MYO1D: variants seen among roughly 807,000 people sequenced by gnomAD.
MYO1D encodes the protein unconventional myosin-Id.
A neutral mutation model predicts 122.0 loss-of-function variants in MYO1D; 83 were observed. The ratio of observed to expected loss-of-function variants is 0.68; its 90% confidence interval spans 0.57 to 0.82. MYO1D has a LOEUF of 0.82. MYO1D is among the 40% of genes least tolerant of loss of function. The pLI is 0.00. For synonymous variants in MYO1D, 464 were observed against 446.9 expected (o/e 1.04, Z -0.48); for missense variants, 1,157 against 1,269.5 (o/e 0.91, Z 1.35).
At chr17:32,816,245 T>C (rs1259223890) in intron 1 of MYO1D, among the ~76,000 whole-genome samples, 1 of 152,172 alleles carries the variant, frequency 6.6e-6, no homozygotes, top group African/African-American at 2.4e-5. Flanking sequence ...AACAATCATA[T>C]TATTACAATC....
chr17:32,782,753 T>C (rs780181597), intron 1 of MYO1D, among the ~76,000 whole-genome samples: 11 of 151,912 alleles, frequency 7.2e-5, no homozygotes, highest in Non-Finnish European at 1.3e-4. Context: ...CTGGGCAACA[T>C]AGTGAAACTC....
chr17:32,771,456 T>A (rs2090112142), intron 5 of MYO1D, among the ~76,000 whole-genome samples: 1 of 152,224 alleles, frequency 6.6e-6, no homozygotes, highest in Admixed American at 6.5e-5. Context: ...AAATGTCTCA[T>A]CTCATTTACA....
intron 1 of MYO1D, among the ~76,000 whole-genome samples, chr17:32,799,345 T>C (rs1367349980): frequency 6.6e-6 from 1 of 152,218 alleles, no homozygotes; most frequent in Non-Finnish European, 1.5e-5. Context: ...AGACAAATAG[T>C]ATATTTTTTA....
intron 20 of MYO1D, among the ~76,000 whole-genome samples, chr17:32,610,219 C>T (rs1324876658): frequency 3.3e-5 from 5 of 152,114 alleles, no homozygotes; most frequent in Admixed American, 1.3e-4. Context: ...TGACTCTGCT[C>T]TCGGCCACAA....
At chr17:32,573,283 T>C (rs1049358753) in intron 21 of MYO1D, among the ~76,000 whole-genome samples, 1 of 152,218 alleles carries the variant, frequency 6.6e-6, no homozygotes, top group South Asian at 2.1e-4. Flanking sequence ...TGGTCTAGAA[T>C]TGAATAAAAT....
At chr17:32,712,756 G>A (rs563643295) in intron 15 of MYO1D, among the ~76,000 whole-genome samples, 1 of 152,258 alleles carries the variant, frequency 6.6e-6, no homozygotes, top group East Asian at 1.9e-4. Flanking sequence ...TTCTACATAC[G>A]AGCAGTCAAC....
chr17:32,810,853 C>CT lies in MYO1D; in HGVS notation c.96-30070dup, dbSNP rs72116663. Among the ~76,000 whole-genome samples the CT allele has an allele frequency of 2.1e-3, 312 of 151,406 alleles. 1 individual carries two copies. Among genetic ancestry groups the CT allele is most frequent in the African/African-American group, 6.5e-3 (269 of 41,334 alleles). ...AAATCTATTCTGTTTGAGGAGTTGT[C>CT]TTTTTTTTTGGTAATTTAATATTTA... is the stretch of plus-strand genomic sequence containing the variant. On this transcript the variant is annotated intron_variant, in intron 1 of 21. Transcript: ENST00000318217.
At chr17:32,783,023 C>A (rs552751871) in intron 1 of MYO1D, among the ~76,000 whole-genome samples, 4 of 152,030 alleles carry the variant, frequency 2.6e-5, no homozygotes, top group Non-Finnish European at 4.4e-5. Flanking sequence ...TTCAAAGACT[C>A]GCGAAAATAA....
At chr17:32,523,022 A>C (rs531589083) in intron 21 of MYO1D, among the ~76,000 whole-genome samples, 3 of 152,106 alleles carry the variant, frequency 2.0e-5, no homozygotes, top group Non-Finnish European at 2.9e-5. Context: ...TCACCATGTT[A>C]GCCAGGATGG....
chr17:32,813,076 C>T (rs1046724704), intron 1 of MYO1D, among the ~76,000 whole-genome samples: 2 of 152,238 alleles, frequency 1.3e-5, no homozygotes, highest in African/African-American at 4.8e-5. Context: ...TATAAACGGT[C>T]TTCACTGATG....
chr17:32,578,722 A>T (rs1457323587), intron 21 of MYO1D, among the ~76,000 whole-genome samples: 1 of 152,238 alleles, frequency 6.6e-6, no homozygotes, highest in Non-Finnish European at 1.5e-5. Flanking sequence ...CTCTAGGGCT[A>T]GGTCTCCTTT....
At chr17:32,779,033 A>G (rs1245121643) in intron 2 of MYO1D, among the ~76,000 whole-genome samples, 3 of 152,206 alleles carry the variant, frequency 2.0e-5, no homozygotes, top group African/African-American at 7.2e-5. Flanking sequence ...GGTTAGAGTA[A>G]TTTTAGTGAA....
Position 32,780,242 on chromosome 17 carries a change from G to A in MYO1D, c.304+334C>T, listed in dbSNP as rs550712556. ...TTTCACACCTCAATATTTCATTTTC[G>A]TTGGTTTCATTTTGCTATTTAAAAT... On this transcript the variant is annotated intron_variant, in intron 2 of 21. Transcript: ENST00000318217. Among the ~76,000 whole-genome samples the A allele has an allele frequency of 1.6e-3, 239 of 152,084 alleles. 1 individual carries two copies. The highest frequency in any genetic ancestry group is 2.2e-3 in the Non-Finnish European group (149 of 67,988).
chr17:32,781,069 G>C (rs1047190210), intron 1 of MYO1D, among the ~76,000 whole-genome samples: 1 of 152,158 alleles, frequency 6.6e-6, no homozygotes, highest in Non-Finnish European at 1.5e-5. Flanking sequence ...AGGGTAAGAA[G>C]ATGAAAAAGC....
chr17:32,815,467 A>G (rs566188238), intron 1 of MYO1D, among the ~76,000 whole-genome samples: 2 of 152,352 alleles, frequency 1.3e-5, no homozygotes, highest in East Asian at 1.9e-4. Context: ...AAAAATATCA[A>G]TGATAATGAC....
intron 14 of MYO1D, among the ~76,000 whole-genome samples, chr17:32,723,174 T>C (rs531690121): frequency 4.0e-4 from 61 of 152,296 alleles, no homozygotes; most frequent in African/African-American, 1.3e-3. Context: ...GTTCTGTGAA[T>C]CATTCTAGTG....
In MYO1D at chr17:32,780,557, G is replaced by A. The variant is rs1400311324; in HGVS notation, c.304+19C>T. The A allele has an allele frequency of 2.5e-6, 4 of 1,608,874 alleles. No homozygotes were observed. The highest frequency in any genetic ancestry group is 2.2e-5 in the East Asian group (1 of 44,830). ...AACACATTGTGACTTTGGAAATACA[G>A]GGGATCCCCTCCAATTACCTGATAT... On this transcript the variant is annotated intron_variant, in intron 2 of 21. Coordinates refer to ENST00000318217, the MANE Select transcript of MYO1D (RefSeq NM_015194.3).
intron 1 of MYO1D, among the ~76,000 whole-genome samples, chr17:32,810,276 C>T (rs961450112): frequency 5.3e-5 from 8 of 152,036 alleles, no homozygotes; most frequent in Non-Finnish European, 7.4e-5. Flanking sequence ...GAAACAGAAG[C>T]GCAGATACAA....
At chr17:32,825,589 G>T (rs774227131) in intron 1 of MYO1D, among the ~76,000 whole-genome samples, 1 of 152,104 alleles carries the variant, frequency 6.6e-6, no homozygotes, top group Non-Finnish European at 1.5e-5. Context: ...CACTGCACCC[G>T]GCCCAATTTT....
Sources: gnomAD v4.1 joint callset for allele counts (sites outside exome capture counted in the v4.1 genomes callset) on GRCh38, gnomAD v4.1.1 for gene constraint, MANE v1.5 for transcripts, NCBI Gene and HGNC (gene_info 2026-07-23, HGNC 2026-07-21) for gene names.